Variants in TSPAN11 observed in about 807,000 individuals in gnomAD.
The protein encoded by TSPAN11 is tetraspanin-11.
Under a neutral mutation model 32.9 loss-of-function variants are expected in TSPAN11, and 29 were observed. That is an observed-to-expected ratio of 0.88 (90% confidence interval 0.66 to 1.20). The LOEUF (loss-of-function observed/expected upper bound fraction) is 1.20, where lower values mean the gene tolerates loss of function less well. Ranked by LOEUF, TSPAN11 falls within the 50% of genes most tolerant of loss-of-function variation. TSPAN11 has a pLI of 0.00. For missense variants in TSPAN11, 283 were observed against 329.1 expected (o/e 0.86, Z 1.08); for synonymous variants, 140 against 141.3 (o/e 0.99, Z 0.07).
intron 2 of TSPAN11, among the ~76,000 whole-genome samples, chr12:30,959,977 G>A (rs1938579076): frequency 2.6e-5 from 4 of 151,764 alleles, no homozygotes; most frequent in Admixed American, 2.6e-4. Context: ...GGGCGGAACA[G>A]GAGCCAGGAG....
At chr12:30,966,000 C>G (rs1462378655) in intron 3 of TSPAN11, among the ~76,000 whole-genome samples, 1 of 124,126 alleles carries the variant, frequency 8.1e-6, no homozygotes, top group Non-Finnish European at 1.9e-5. Context: ...TTTCTCAAAA[C>G]ATTATGAGAT....
intron 1 of TSPAN11, among the ~76,000 whole-genome samples, chr12:30,945,988 T>C (rs770246102): frequency 6.6e-6 from 1 of 152,144 alleles, no homozygotes; most frequent in South Asian, 2.1e-4. Flanking sequence ...GTGTCCTAAG[T>C]GTGAGTTTGC....
chr12:31,010,452 G>A, the TSPAN11 span, among the ~76,000 whole-genome samples: 3 of 152,118 alleles, frequency 2.0e-5, no homozygotes, highest in African/African-American at 7.2e-5. Context: ...GTCATGTGAG[G>A]CCCTTGGTCA....
At chr12:30,954,784 G>A (rs530975900) in intron 2 of TSPAN11, 3 of 152,236 alleles carry the variant, frequency 2.0e-5, no homozygotes, top group Non-Finnish European at 4.4e-5. Flanking sequence ...TAATGGTGGA[G>A]CCTTGGGCAA....
intron 1 of TSPAN11, among the ~76,000 whole-genome samples, chr12:30,940,625 G>A (rs189348472): frequency 1.3e-5 from 2 of 152,240 alleles, no homozygotes; most frequent in East Asian, 3.9e-4. Flanking sequence ...TCATAATTAT[G>A]TCCACATAAT....
intron 3 of TSPAN11, among the ~76,000 whole-genome samples, chr12:30,964,795 T>C (rs1175766548): frequency 1.3e-5 from 2 of 152,276 alleles, no homozygotes. Context: ...ATCTTCCCAG[T>C]TGACCCATAA....
At chr12:30,934,402 G>A (rs75823401) in intron 1 of TSPAN11, among the ~76,000 whole-genome samples, 10,734 of 152,220 alleles carry the variant, frequency 0.071, 989 homozygotes, top group African/African-American at 0.21. Flanking sequence ...CCATTCTCAC[G>A]CTGCTGATAA....
In TSPAN11 at chr12:30,991,839, C is replaced by T. The variant is rs370324218; in HGVS notation, c.703-17C>T. The stretch of plus-strand genomic sequence containing the variant: ...GTTCTGATTTCTCTTTGCTCCTCTG[C>T]TCTCTCCACCTGGCAGATCTGCGGG... On this transcript the variant is annotated splice_polypyrimidine_tract_variant and intron_variant, in intron 7 of 7. Coordinates refer to ENST00000546076, the MANE Select transcript of TSPAN11 (RefSeq NM_001370302.1). 2 of 1,614,040 alleles carry T rather than the reference C, an allele frequency of 1.2e-6. No individual in the cohort carries two copies. Among genetic ancestry groups the T allele is most frequent in the Non-Finnish European group, 1.7e-6 (2 of 1,179,998 alleles).
Position 30,995,003 on chromosome 12 carries a change from G to T in TSPAN11, c.*3088G>T, listed in dbSNP as rs1005050169. Reference sequence around the variant, plus strand: ...TAAGGAACAGAGTGTCACTCAGGGGGCACTGTCACAAAGCAGCACCCATGG... The same window carrying T: ...TAAGGAACAGAGTGTCACTCAGGGGTCACTGTCACAAAGCAGCACCCATGG... On this transcript the variant is annotated 3_prime_UTR_variant, in exon 8 of 8. Transcript: ENST00000546076. 2.0e-5 allele frequency: 3 copies of T among 152,180 alleles called. No individual in the cohort carries two copies. The highest frequency in any genetic ancestry group is 4.4e-5 in the Non-Finnish European group (3 of 68,044). 9.4% of individuals were successfully genotyped at this position (152,180 alleles called of 1,614,324 possible).
At chr12:30,964,195 C>G (rs920376040) in intron 3 of TSPAN11, among the ~76,000 whole-genome samples, 178 bp downstream of exon 3, 3 of 152,140 alleles carry the variant, frequency 2.0e-5, no homozygotes, top group Admixed American at 6.5e-5. Context: ...TTCTTAGGAC[C>G]CAAGCAAGCA....
chr12:30,991,828 T>G (rs1565806549), intron 7 of TSPAN11, 28 bp from the exon 8 acceptor site: 2 of 1,613,968 alleles, frequency 1.2e-6, no homozygotes, highest in South Asian at 2.2e-5. Flanking sequence ...TGATTTCTCT[T>G]TGCTCCTCTG....
At position 30,961,870 on chromosome 12, in the gene TSPAN11, G is replaced by A. The variant is rs181102416; in HGVS notation, c.85-1956G>A. Among the ~76,000 whole-genome samples the A allele has an allele frequency of 9.9e-5, 15 of 152,146 alleles. No individual in the cohort carries two copies. In the East Asian group the frequency reaches 2.9e-3, roughly 29 times the overall value. ...AGGGGGCAAAAAGAATTCCGTGCAG[G>A]ATATTTGGCTGCAAACCCTCACATT... On this transcript the variant is annotated intron_variant, in intron 2 of 7. Transcript: ENST00000546076.
Position 30,992,166 on chromosome 12 carries a change from GGA to G in TSPAN11, c.*254_*255del, listed in dbSNP as rs542081974. 251 of 567,710 alleles carry G rather than the reference GGA, an allele frequency of 4.4e-4. 1 individual carries two copies. Among genetic ancestry groups the G allele is most frequent in the African/African-American group, 4.1e-3 (218 of 53,408 alleles). 35.2% of individuals were successfully genotyped at this position (567,710 alleles called of 1,614,324 possible). On this transcript the variant is annotated 3_prime_UTR_variant, in exon 8 of 8. Coordinates refer to ENST00000546076, the MANE Select transcript of TSPAN11 (RefSeq NM_001370302.1). ...CCTGGGCAGGGAAATGATCCTTTCA[GGA>G]GACAACCAGAGCCCCTCACCAGGAA...
At chr12:30,953,407 T>C (rs539923559) in intron 1 of TSPAN11, among the ~76,000 whole-genome samples, 3 of 152,280 alleles carry the variant, frequency 2.0e-5, no homozygotes, top group African/African-American at 7.2e-5. Flanking sequence ...CCAGAGGCTC[T>C]TGTGCTTCTT....
At chr12:31,000,968 T>C (rs1205553827), downstream of TSPAN11, among the ~76,000 whole-genome samples, 1 of 152,156 alleles carries the variant, frequency 6.6e-6, no homozygotes, top group Non-Finnish European at 1.5e-5. Context: ...CTGCTGGCTT[T>C]GTCTCCACCC....
chr12:30,970,007 TTGTTCTTTGTCCTCCCCTC>T (rs1264340160), intron 3 of TSPAN11, among the ~76,000 whole-genome samples: 1 of 152,196 alleles, frequency 6.6e-6, no homozygotes, highest in Non-Finnish European at 1.5e-5. Flanking sequence ...TGTCTCCTTC[TTGTTCTTTGTCCTCCCCTC>T]TGTTCTTTGT....
At chr12:30,983,188 C>T in intron 7 of TSPAN11, 38 bp downstream of exon 7, 1 of 1,569,010 alleles carries the variant, frequency 6.4e-7, no homozygotes, top group Non-Finnish European at 8.6e-7. Flanking sequence ...GGTGGAAGGG[C>T]TCTGAACCCC....
intron 1 of TSPAN11, 99 bp from the exon 2 acceptor site, chr12:30,953,882 G>A: frequency 2.5e-6 from 2 of 792,800 alleles, no homozygotes; most frequent in Non-Finnish European, 4.1e-6. Context: ...ATAGGTTAAT[G>A]AGCCCTTTGA....
intron 7 of TSPAN11, among the ~76,000 whole-genome samples, chr12:30,991,096 C>T (rs1939303640): frequency 6.6e-6 from 1 of 152,186 alleles, no homozygotes; most frequent in Admixed American, 6.5e-5. Context: ...GTGATCCTCC[C>T]AGGCCTGTGT....
Sources: allele counts gnomAD v4.1 joint callset (sites outside exome capture counted in the v4.1 genomes callset), GRCh38; gene constraint gnomAD v4.1.1; transcripts MANE v1.5; gene names NCBI Gene and HGNC (gene_info 2026-07-23, HGNC 2026-07-21).